CALD1: variants seen among roughly 807,000 people sequenced by gnomAD.
CALD1 encodes caldesmon.
CALD1 carries 33 observed loss-of-function variants against 99.9 expected under a neutral mutation model. The observed-to-expected ratio is 0.33, with a 90% CI of 0.25 to 0.44. CALD1 has a LOEUF of 0.44. Ranked by LOEUF, CALD1 falls within the 20% of genes least tolerant of loss-of-function variation. The pLI is 1.00. For missense variants in CALD1, 861 were observed against 962.1 expected, an observed-to-expected ratio of 0.89 and a Z score of 1.39; for synonymous variants, 310 against 325.0, an observed-to-expected ratio of 0.95 and a Z score of 0.50.
intron 3 of CALD1, among the ~76,000 whole-genome samples, chr7:134,886,862 A>G (rs1801877646): frequency 6.6e-6 from 1 of 152,214 alleles, no homozygotes; most frequent in Admixed American, 6.5e-5. Flanking sequence ...GAATTTTTGT[A>G]TACATGTCTT....
intron 1 of CALD1, among the ~76,000 whole-genome samples, chr7:134,754,349 G>A (rs538713064): frequency 2.0e-5 from 3 of 152,320 alleles, no homozygotes; most frequent in Non-Finnish European, 2.9e-5. Context: ...AATTGCTGCT[G>A]TCATTTAAAA....
intron 1 of CALD1, among the ~76,000 whole-genome samples, chr7:134,794,163 T>C (rs540759508): frequency 6.6e-6 from 1 of 152,278 alleles, no homozygotes; most frequent in South Asian, 2.1e-4. Flanking sequence ...GGGTCTCAGA[T>C]GAGCCCTGAG....
At chr7:134,802,801 C>G (rs1585978481) in intron 1 of CALD1, among the ~76,000 whole-genome samples, 1 of 152,224 alleles carries the variant, frequency 6.6e-6, no homozygotes, top group East Asian at 1.9e-4. Flanking sequence ...CAGTTCCATA[C>G]TGTTGTAAAG....
intron 3 of CALD1, among the ~76,000 whole-genome samples, chr7:134,894,091 T>C (rs564025055): frequency 5.3e-5 from 8 of 152,294 alleles, no homozygotes; most frequent in African/African-American, 1.7e-4. Context: ...AGCTGTCCAT[T>C]TGCATTGCCA....
At chr7:134,943,237 T>C (rs1316539793) in intron 7 of CALD1, among the ~76,000 whole-genome samples, 2 of 135,652 alleles carry the variant, frequency 1.5e-5, no homozygotes, top group African/African-American at 5.6e-5. Flanking sequence ...GTGTTCTTAA[T>C]GGTCAAAGGC....
chr7:134,950,521 T>A lies in CALD1; in HGVS notation c.1935+7T>A. Reference sequence around the variant, plus strand: ...TAAAGGTTCATCTCTCAAGGTATTTTTTTCCCCAGAAAACTTCTATTAGAA... The same window carrying A: ...TAAAGGTTCATCTCTCAAGGTATTTATTTCCCCAGAAAACTTCTATTAGAA... On this transcript the variant is annotated splice_region_variant and intron_variant, in intron 9 of 14. Coordinates refer to ENST00000361675, the MANE Select transcript of CALD1 (RefSeq NM_033138.4). 1.2e-6 allele frequency: 2 copies of A among 1,612,290 alleles called. No individual in the cohort carries two copies. Among genetic ancestry groups the A allele is most frequent in the Non-Finnish European group, 1.7e-6 (2 of 1,178,896 alleles).
chr7:134,775,567 C>T (rs377095294), upstream of CALD1, among the ~76,000 whole-genome samples: 9 of 152,036 alleles, frequency 5.9e-5, no homozygotes, highest in Non-Finnish European at 7.4e-5. Context: ...AAAAATTAGC[C>T]GGGCGTGGTG....
intron 1 of CALD1, among the ~76,000 whole-genome samples, chr7:134,757,870 C>A (rs528351458): frequency 6.6e-6 from 1 of 151,742 alleles, no homozygotes; most frequent in South Asian, 2.1e-4. Context: ...CAAAGCTAGA[C>A]TCCGTCTAAA....
At chr7:134,781,417 A>AC (rs1179096168) in intron 1 of CALD1, among the ~76,000 whole-genome samples, 1 of 151,652 alleles carries the variant, frequency 6.6e-6, no homozygotes, top group Non-Finnish European at 1.5e-5. Context: ...TGGGCTCCCC[A>AC]CCCCCAACAA....
In CALD1 at chr7:134,933,632, T is replaced by C. The variant is rs781302656; in HGVS notation, c.863T>C (p.Ile288Thr). 4.0e-5 allele frequency: 65 copies of C among 1,610,516 alleles called. 1 individual carries two copies. In the Middle Eastern group the frequency reaches 3.6e-3, roughly 90 times the overall value. Reference sequence around the variant, plus strand: ...ATTAAAGCCGAGCAAGACAAAAAGATAGCAGATGAACGAGCAAGAATTGAA... The same window carrying C: ...ATTAAAGCCGAGCAAGACAAAAAGACAGCAGATGAACGAGCAAGAATTGAA... Reference protein sequence around the residue: ...ERIKAEQDKKIADERARIEAE... With the variant: ...ERIKAEQDKKTADERARIEAE... The change falls in exon 5 of 15, where the codon ATA becomes ACA. Residue 288 changes from isoleucine to threonine, a missense_variant. By Grantham distance (89) the Ile-to-Thr change is moderately conservative. This residue lies in a region of CALD1 where 234 missense variants were observed against 233.1 expected (regional missense o/e 1.00). Coordinates refer to ENST00000361675, the MANE Select transcript of CALD1 (RefSeq NM_033138.4).
At chr7:134,862,442 T>C (rs775136025) in intron 2 of CALD1, among the ~76,000 whole-genome samples, 5 of 152,148 alleles carry the variant, frequency 3.3e-5, no homozygotes, top group Non-Finnish European at 7.3e-5. Flanking sequence ...ATGTGTGTTG[T>C]TAAGTGGAAT....
chr7:134,959,574 G>A (rs1206086444), intron 11 of CALD1, among the ~76,000 whole-genome samples: 1 of 152,172 alleles, frequency 6.6e-6, no homozygotes, highest in Non-Finnish European at 1.5e-5. Flanking sequence ...GGAAGCTGAA[G>A]TGGGAGGATC....
chr7:134,752,497 C>T (rs1585897785), intron 1 of CALD1, among the ~76,000 whole-genome samples: 3 of 152,298 alleles, frequency 2.0e-5, no homozygotes, highest in African/African-American at 7.2e-5. Context: ...CTTCATAAAT[C>T]TATTTCCAAG....
At chr7:134,813,536 C>T (rs1798440380) in intron 1 of CALD1, among the ~76,000 whole-genome samples, 1 of 152,126 alleles carries the variant, frequency 6.6e-6, no homozygotes. Flanking sequence ...GGAGTAAAGA[C>T]AAACTATCCA....
chr7:134,876,384 T>C (rs1801353528), intron 3 of CALD1, among the ~76,000 whole-genome samples: 1 of 152,244 alleles, frequency 6.6e-6, no homozygotes, highest in African/African-American at 2.4e-5. Context: ...TAAAAAAGTC[T>C]ATGGCTATTG....
the CALD1 span, among the ~76,000 whole-genome samples, chr7:134,712,678 G>A: frequency 6.6e-6 from 1 of 152,212 alleles, no homozygotes; most frequent in African/African-American, 2.4e-5. Context: ...TGGTAAAATT[G>A]CAGGGCTCTG....
At chr7:134,737,516 TC>T in the CALD1 span, among the ~76,000 whole-genome samples, 1 of 152,210 alleles carries the variant, frequency 6.6e-6, no homozygotes, top group Non-Finnish European at 1.5e-5. Flanking sequence ...CTTTTTTTGG[TC>T]ATGGTATTGT....
chr7:134,927,809 G>A (rs941526962), intron 3 of CALD1, among the ~76,000 whole-genome samples: 1 of 150,094 alleles, frequency 6.7e-6, no homozygotes, highest in Non-Finnish European at 1.5e-5. Flanking sequence ...ACCTTCTCTC[G>A]CCAGGGAAAA....
chr7:134,931,133 G>A (rs1223637362), intron 4 of CALD1, among the ~76,000 whole-genome samples: 1 of 151,750 alleles, frequency 6.6e-6, no homozygotes, highest in Admixed American at 6.6e-5. Flanking sequence ...CTGAGAATGT[G>A]TGATTTATCT....
Sources: allele counts gnomAD v4.1 joint callset (sites outside exome capture counted in the v4.1 genomes callset), GRCh38; gene constraint gnomAD v4.1.1; regional missense constraint gnomAD v4.1.1; transcripts MANE v1.5; gene names NCBI Gene and HGNC (gene_info 2026-07-23, HGNC 2026-07-21).